The following ROBO2 variants were observed in gnomAD, a reference collection of about 807,000 sequenced individuals.
ROBO2 encodes roundabout homolog 2.
In ROBO2, 53 loss-of-function variants were observed where a neutral mutation model predicts 160.8. The ratio of observed to expected loss-of-function variants is 0.33; its 90% CI spans 0.26 to 0.41. ROBO2 has a LOEUF of 0.41. ROBO2 is among the 10% of genes least tolerant of loss of function. The pLI, the probability that ROBO2 is intolerant of heterozygous loss-of-function variation, is 1.00. For missense variants in ROBO2, 1,577 were observed against 1,722.4 expected, an observed-to-expected ratio of 0.92 and a Z score of 1.49; for synonymous variants, 664 against 611.7, an observed-to-expected ratio of 1.09 and a Z score of -1.26.
At chr3:76,747,195 C>T (rs912527436) in intron 2 of ROBO2, among the ~76,000 whole-genome samples, 6 of 151,996 alleles carry the variant, frequency 3.9e-5, no homozygotes, top group Admixed American at 3.9e-4. Context: ...CTTGTTTTTA[C>T]CCAGAAATAT....
chr3:76,590,766 G>A (rs913821184), intron 2 of ROBO2, among the ~76,000 whole-genome samples: 1 of 151,898 alleles, frequency 6.6e-6, no homozygotes, highest in Admixed American at 6.6e-5. Flanking sequence ...ATAGCTTATT[G>A]ACACTTTCTC....
At chr3:76,626,838 G>A (rs56000485) in intron 2 of ROBO2, among the ~76,000 whole-genome samples, 4,568 of 152,004 alleles carry the variant, frequency 0.03, 78 homozygotes, top group Middle Eastern at 0.068. Context: ...GACTACAGGC[G>A]CCACCACCAC....
intron 2 of ROBO2, among the ~76,000 whole-genome samples, chr3:77,187,228 C>A (rs1213769471): frequency 2.6e-5 from 4 of 151,936 alleles, no homozygotes; most frequent in Non-Finnish European, 5.9e-5. Context: ...TCCTCTTAAG[C>A]TAACTTATCT....
intron 2 of ROBO2, among the ~76,000 whole-genome samples, chr3:77,382,468 T>G (rs1334791387): frequency 6.6e-6 from 1 of 152,096 alleles, no homozygotes; most frequent in East Asian, 1.9e-4. Context: ...GGTTAAATGG[T>G]TGAATTGTGT....
At chr3:76,030,052 G>T (rs920468978) in intron 2 of ROBO2, among the ~76,000 whole-genome samples, 1 of 152,058 alleles carries the variant, frequency 6.6e-6, no homozygotes, top group African/African-American at 2.4e-5. Flanking sequence ...TTTAATGATT[G>T]CCATTCTAAC....
At chr3:76,914,625 G>A (rs17819536) in intron 2 of ROBO2, among the ~76,000 whole-genome samples, 23,964 of 151,932 alleles carry the variant, frequency 0.16, 1,957 homozygotes, top group South Asian at 0.19. Flanking sequence ...TTTGTCAATC[G>A]CTGGGAGGCT....
At chr3:76,465,854 C>T (rs945531011) in intron 2 of ROBO2, among the ~76,000 whole-genome samples, 16 of 151,934 alleles carry the variant, frequency 1.1e-4, no homozygotes, top group Non-Finnish European at 1.0e-4. Flanking sequence ...TTTAATTACT[C>T]TTACTTGGTA....
chr3:76,579,580 A>C (rs2108695573), intron 2 of ROBO2, among the ~76,000 whole-genome samples: 1 of 152,222 alleles, frequency 6.6e-6, no homozygotes, highest in East Asian at 1.9e-4. Context: ...CCTGAGAAAG[A>C]GTGAGATTTT....
At chr3:76,342,229 G>C in intron 2 of ROBO2, among the ~76,000 whole-genome samples, 1 of 152,074 alleles carries the variant, frequency 6.6e-6, no homozygotes, top group East Asian at 1.9e-4. Context: ...CATGAACTAT[G>C]AAGAGTCTTA....
intron 2 of ROBO2, among the ~76,000 whole-genome samples, chr3:77,172,565 C>T (rs1029462818): frequency 6.6e-6 from 1 of 151,966 alleles, no homozygotes; most frequent in Admixed American, 6.6e-5. Context: ...TAACTGTTTA[C>T]ATTTGTGTAT....
At chr3:76,742,740 A>G (rs1460732854) in intron 2 of ROBO2, among the ~76,000 whole-genome samples, 2 of 151,790 alleles carry the variant, frequency 1.3e-5, no homozygotes, top group Non-Finnish European at 2.9e-5. Context: ...GCATTTTTTT[A>G]TTTGCTTTGG....
At chr3:76,882,232 G>A (rs141828750) in intron 2 of ROBO2, among the ~76,000 whole-genome samples, 22 of 152,090 alleles carry the variant, frequency 1.4e-4, no homozygotes, top group African/African-American at 5.3e-4. Flanking sequence ...TGCTGTGGTT[G>A]TTAGTTAAAA....
At chr3:77,533,842 G>A (rs754013585) in intron 6 of ROBO2, among the ~76,000 whole-genome samples, 5 of 151,400 alleles carry the variant, frequency 3.3e-5, no homozygotes, top group Non-Finnish European at 5.9e-5. Flanking sequence ...GGAAGGGCAA[G>A]CCTGAGGTCA....
chr3:77,445,061 T>G (rs1419473760), intron 2 of ROBO2, among the ~76,000 whole-genome samples: 1 of 152,110 alleles, frequency 6.6e-6, no homozygotes, highest in Non-Finnish European at 1.5e-5. Context: ...CCACATCCGT[T>G]TGGTGACGTC....
intron 2 of ROBO2, among the ~76,000 whole-genome samples, chr3:77,023,189 G>A (rs1484868898): frequency 1.3e-5 from 2 of 152,178 alleles, no homozygotes; most frequent in African/African-American, 2.4e-5. Context: ...AGTCTCACGA[G>A]ATCTGATGGG....
chr3:76,580,449 C>T (rs140101587), intron 2 of ROBO2, among the ~76,000 whole-genome samples: 1 of 146,536 alleles, frequency 6.8e-6, no homozygotes, highest in Non-Finnish European at 1.5e-5. Context: ...CGTGATCATA[C>T]CATTTAACCA....
At chr3:76,079,608 C>A (rs1056752123) in intron 2 of ROBO2, among the ~76,000 whole-genome samples, 1 of 151,622 alleles carries the variant, frequency 6.6e-6, no homozygotes, top group African/African-American at 2.4e-5. Context: ...CTCAGCCTCC[C>A]GAGTAGCTGG....
intron 2 of ROBO2, among the ~76,000 whole-genome samples, chr3:77,293,698 A>G (rs1210812168): frequency 2.1e-5 from 3 of 140,988 alleles, no homozygotes; most frequent in East Asian, 2.0e-4. Flanking sequence ...AGTTGAGGCT[A>G]GAACAGTAAA....
At chr3:77,280,436 C>G (rs1007776992) in intron 2 of ROBO2, among the ~76,000 whole-genome samples, 1 of 152,114 alleles carries the variant, frequency 6.6e-6, no homozygotes, top group Non-Finnish European at 1.5e-5. Context: ...TTTGGCCAAC[C>G]TCCTAAAATC....
Sources: allele counts gnomAD v4.1 joint callset (sites outside exome capture counted in the v4.1 genomes callset), GRCh38; gene constraint gnomAD v4.1.1; transcripts MANE v1.5; gene names NCBI Gene and HGNC (gene_info 2026-07-23, HGNC 2026-07-21).